ASAH1: variants seen among roughly 807,000 people sequenced by gnomAD.
ASAH1 encodes N-acylsphingosine amidohydrolase 1, also known as acid ceramidase.
ASAH1 carries 70 observed loss-of-function variants against 59.5 expected under a neutral mutation model. That is an observed-to-expected ratio of 1.18 (90% CI 0.97 to 1.43). The LOEUF is 1.43. ASAH1 is among the 40% of genes most tolerant of loss of function. The pLI, the probability that ASAH1 is intolerant of heterozygous loss-of-function variation, is 0.00. For synonymous variants in ASAH1, 213 were observed against 166.5 expected (o/e 1.28, Z -2.15); for missense variants, 660 against 482.5 (o/e 1.37, Z -3.45).
At chr8:18,083,655 T>TA (rs1299113316) in intron 1 of ASAH1, among the ~76,000 whole-genome samples, 1 of 152,262 alleles carries the variant, frequency 6.6e-6, no homozygotes, top group East Asian at 1.9e-4. Context: ...ACATTTTATT[T>TA]AAACACTTCA....
At chr8:18,064,341 G>T in intron 6 of ASAH1, 116 bp downstream of exon 6, 1 of 817,320 alleles carries the variant, frequency 1.2e-6, no homozygotes, top group Non-Finnish European at 2.0e-6. Flanking sequence ...AAAGCTGTAT[G>T]CAACATACAC....
chr8:18,073,813 G>C (rs1800276030), intron 2 of ASAH1, among the ~76,000 whole-genome samples: 1 of 152,212 alleles, frequency 6.6e-6, no homozygotes, highest in Non-Finnish European at 1.5e-5. Context: ...ATAGAGTTGA[G>C]AGAAGAGAAG....
intron 13 of ASAH1, 29 bp downstream of exon 13, chr8:18,058,805 AG>A (rs1312526073): frequency 6.3e-7 from 1 of 1,580,612 alleles, no homozygotes; most frequent in Non-Finnish European, 8.7e-7. Flanking sequence ...TTTCCCTAAA[AG>A]GCAAATATAC....
rs1799499906 is a variant in ASAH1 at position 18,057,104 on chromosome 8, A to G, written c.*430T>C. ...CCAGAAGGAAAAGGCTGTTATACAG[A>G]AAAACATACAAATATGTAGGTAGAA... On this transcript the variant is annotated 3_prime_UTR_variant, in exon 14 of 14. Coordinates refer to ENST00000637790, the MANE Select transcript of ASAH1 (RefSeq NM_177924.5). 2 of 182,422 alleles carry G rather than the reference A, an allele frequency of 1.1e-5. No individual in the cohort carries two copies. The highest frequency in any genetic ancestry group is 5.6e-5 in the Admixed American group (1 of 17,904). The allele number at this position is 182,422 out of a possible 1,614,324, so 11.3% of individuals were successfully genotyped here.
chr8:18,080,179 T>C (rs1278805741), intron 1 of ASAH1, among the ~76,000 whole-genome samples: 3 of 152,240 alleles, frequency 2.0e-5, no homozygotes, highest in South Asian at 4.1e-4. Flanking sequence ...TGAAAATCAT[T>C]GCTAAAGCTG....
At position 18,057,362 on chromosome 8, in the gene ASAH1, GAA is replaced by G. The variant is rs34574502; in HGVS notation, c.*170_*171del. 4.5e-4 allele frequency: 184 copies of G among 412,432 alleles called. 1 individual carries two copies. Among genetic ancestry groups the G allele is most frequent in the Non-Finnish European group, 9.7e-5 (21 of 216,718 alleles). 25.5% of individuals were successfully genotyped at this position (412,432 alleles called of 1,614,324 possible). On this transcript the variant is annotated 3_prime_UTR_variant, in exon 14 of 14. Coordinates refer to ENST00000637790, the MANE Select transcript of ASAH1 (RefSeq NM_177924.5). ...AATAAGAAAAATCAACTGATAGGGG[GAA>G]AAAAAAAAGATCTGTCATTTGTCAA...
At chr8:18,068,899 G>A (rs1488981385) in intron 4 of ASAH1, among the ~76,000 whole-genome samples, 2 of 152,198 alleles carry the variant, frequency 1.3e-5, no homozygotes, top group Non-Finnish European at 2.9e-5. Context: ...AACACTTTGG[G>A]AGGTTGAGGC....
chr8:18,061,862 A>C, intron 8 of ASAH1, 122 bp from the exon 9 acceptor site: 1 of 925,006 alleles, frequency 1.1e-6, no homozygotes, highest in Non-Finnish European at 1.7e-6. Flanking sequence ...AGGCAAAAAT[A>C]AATCAAAACC....
Position 18,067,228 on chromosome 8 carries a change from A to G in ASAH1, c.374T>C (p.Ile125Thr), listed in dbSNP as rs138224188. 63 of 1,601,288 alleles carry G rather than the reference A, an allele frequency of 3.9e-5. No homozygotes were observed. Among genetic ancestry groups the G allele is most frequent in the Non-Finnish European group, 4.4e-5 (52 of 1,171,864 alleles). The change falls in exon 5 of 14, where the codon ATA becomes ACA. Residue 125 changes from isoleucine (I) to threonine (T), a missense_variant. Coordinates refer to ENST00000637790, the MANE Select transcript of ASAH1 (RefSeq NM_177924.5). ...TTCTAAGTGAACTTTACCTAAAGGT[A>G]TATCAGTAACAGCGGCAATACCCTT... ...EMKGIAAVTDIPLGEIISFNI... is the reference protein window; with the variant it reads ...EMKGIAAVTDTPLGEIISFNI...
At position 18,064,620 on chromosome 8, in the gene ASAH1, T is replaced by C. The variant is rs184726331; in HGVS notation, c.383-89A>G. On this transcript the variant is annotated intron_variant, in intron 5 of 13. Transcript: ENST00000637790. ...TAAGAAAAAGTTTCAGTGTTTTCATTGTGTGAGTGTGTGCTTTGGCCAGTG... is the reference window on the plus strand; with the variant it reads ...TAAGAAAAAGTTTCAGTGTTTTCATCGTGTGAGTGTGTGCTTTGGCCAGTG... 310 of 784,620 alleles carry C rather than the reference T, an allele frequency of 4.0e-4. 1 individual carries two copies. The African/African-American group carries it at 4.8e-3, about 12-fold the overall frequency. The allele number at this position is 784,620 out of a possible 1,614,324, so 48.6% of individuals were successfully genotyped here. A position where few individuals can be genotyped will look rare whatever the true frequency, so the allele number is the denominator to read the frequency against.
At chr8:18,071,533 G>A (rs900925564) in intron 2 of ASAH1, 143 bp from the exon 3 acceptor site, 8 of 612,368 alleles carry the variant, frequency 1.3e-5, no homozygotes, top group Non-Finnish European at 2.1e-5. Context: ...TGGAAAGAAA[G>A]TTCATTCTCT....
In ASAH1 at chr8:18,061,488, C is replaced by T. The variant is rs111458692; in HGVS notation, c.704-30G>A. 148 of 1,577,670 alleles carry T rather than the reference C, an allele frequency of 9.4e-5. No homozygotes were observed. Among genetic ancestry groups the T allele is most frequent in the African/African-American group, 7.4e-4 (55 of 74,474 alleles). On this transcript the variant is annotated intron_variant, in intron 9 of 13. Transcript: ENST00000637790. ...AAGAGATGAACACAATGTCAGGAAC[C>T]GGAAGAGGTGACACTATGTAACCAG...
intron 1 of ASAH1, 107 bp downstream of exon 1, chr8:18,083,874 G>A: frequency 6.5e-7 from 1 of 1,527,702 alleles, no homozygotes; most frequent in Non-Finnish European, 8.8e-7. Flanking sequence ...TAAAGAAGCT[G>A]CCCAGCACGA....
chr8:18,083,967 T>G lies in ASAH1; in HGVS notation c.78+14A>C. Reference sequence around the variant, plus strand: ...TGCACGCCCCTCTCTGCGCCTCGGCTCAAGCTCACTCACCGGCGGCGCGTG... The same window carrying G: ...TGCACGCCCCTCTCTGCGCCTCGGCGCAAGCTCACTCACCGGCGGCGCGTG... On this transcript the variant is annotated intron_variant, in intron 1 of 13. Transcript: ENST00000637790. 1 of 1,597,040 alleles carries G rather than the reference T, an allele frequency of 6.3e-7. No individual in the cohort carries two copies. Among genetic ancestry groups the G allele is most frequent in the Non-Finnish European group, 8.5e-7 (1 of 1,179,106 alleles).
In ASAH1 at chr8:18,058,799, C is replaced by T. The variant is rs113778837; in HGVS notation, c.1098+36G>A. ...ATAAAACATAGGGCCAAATTCTTTC[C>T]CTAAAAGGCAAATATACATATAACA... On this transcript the variant is annotated intron_variant, in intron 13 of 13. Transcript: ENST00000637790. 1,455 of 1,565,362 alleles carry T rather than the reference C, an allele frequency of 9.3e-4. 9 individuals carry two copies. The African/African-American group carries it at 0.017, about 19-fold the overall frequency.
At chr8:18,071,481 G>C in intron 2 of ASAH1, 91 bp from the exon 3 acceptor site, 2 of 903,466 alleles carry the variant, frequency 2.2e-6, no homozygotes, top group South Asian at 2.8e-5. Context: ...GAGAGGCAAA[G>C]TCTTAACAGC....
chr8:18,064,279 C>G (rs1288165421), intron 6 of ASAH1, 178 bp downstream of exon 6: 4 of 634,326 alleles, frequency 6.3e-6, no homozygotes, highest in African/African-American at 1.8e-5. Context: ...GTACAGTAGT[C>G]TGAAAATAAG....
chr8:18,058,484 G>A (rs560495603), intron 13 of ASAH1: 1 of 244,246 alleles, frequency 4.1e-6, no homozygotes, highest in Admixed American at 5.2e-5. Context: ...CCAAGACACA[G>A]AGCTCTGTCT....
rs1799574609 is a variant in ASAH1, at chr8:18,058,875, G to C, written c.1058C>G (p.Thr353Ser). 1.9e-6 allele frequency: 3 copies of C among 1,612,200 alleles called. No homozygotes were observed. The highest frequency in any genetic ancestry group is 2.5e-6 in the Non-Finnish European group (3 of 1,178,292). The change falls in exon 13 of 14, where the codon ACC becomes AGC. Residue 353 changes from threonine to serine, a missense_variant. By Grantham distance (58) the Thr-to-Ser change is moderately conservative. Transcript: ENST00000637790. ...RTSQENISFE[T>S]MYDVLSTKPV... ...TTTTGTTGACAGGACATCATACATG[G>C]TTTCAAATGAGATATTCTAAAACAC...
Sources: gnomAD v4.1 joint callset for allele counts (sites outside exome capture counted in the v4.1 genomes callset) on GRCh38, gnomAD v4.1.1 for gene constraint, MANE v1.5 for transcripts, NCBI Gene and HGNC (gene_info 2026-07-23, HGNC 2026-07-21) for gene names.